The following ADGRV1 variants were observed in gnomAD, a reference collection of about 807,000 sequenced individuals.
ADGRV1 encodes adhesion G protein-coupled receptor V1, also known as G-protein coupled receptor 98.
ADGRV1 carries 359 observed loss-of-function variants against 596.2 expected under a neutral mutation model. The ratio of observed to expected loss-of-function variants is 0.60; its 90% CI spans 0.55 to 0.66. The LOEUF (loss-of-function observed/expected upper bound fraction) is 0.66, where lower values mean the gene tolerates loss of function less well. ADGRV1 is among the 30% of genes least tolerant of loss of function. ADGRV1 has a pLI of 0.00. For synonymous variants in ADGRV1, 2,681 were observed against 2,679.2 expected, an observed-to-expected ratio of 1.00 and a Z score of -0.02; for missense variants, 7,274 against 7,575.6, an observed-to-expected ratio of 0.96 and a Z score of 1.48.
intron 83 of ADGRV1, among the ~76,000 whole-genome samples, chr5:90,881,885 T>G (rs1248828507): frequency 6.6e-6 from 1 of 152,062 alleles, no homozygotes; most frequent in Admixed American, 6.6e-5. Flanking sequence ...ACTTTTTTCT[T>G]TTTTTGTGGA....
chr5:90,982,242 A>G (rs373627430), intron 84 of ADGRV1, among the ~76,000 whole-genome samples: 102 of 152,380 alleles, frequency 6.7e-4, no homozygotes, highest in African/African-American at 2.4e-3. Flanking sequence ...GAAACATGCC[A>G]TAGGAACTTA....
In ADGRV1 at chr5:90,783,899, C is replaced by T. The variant is rs567519802; in HGVS notation, c.13495C>T (p.Arg4499Cys). The T allele has an allele frequency of 2.4e-5, 38 of 1,612,080 alleles. No individual in the cohort carries two copies. Among genetic ancestry groups the T allele is most frequent in the South Asian group, 2.3e-4 (21 of 90,558 alleles). ...AGCTACTGGAGGAGCGGTCCTTGGG[C>T]GCCACCTAGTGAGCAGAATCATAAT... is the stretch of plus-strand genomic sequence containing the variant. ...TGATGGAVLG[R>C]HLVSRIIIAK... Residue 4499 changes from arginine (R) to cysteine (C), a missense_variant, in exon 67 of 90, where the codon CGC becomes TGC. Physicochemically the swap from Arg to Cys is radical, Grantham distance 180. This residue lies in a region of ADGRV1 where 3,643 missense variants were observed against 3,809.2 expected (regional missense o/e 0.96). Coordinates refer to ENST00000405460, the MANE Select transcript of ADGRV1 (RefSeq NM_032119.4).
At chr5:90,824,978 C>T (rs1278929356) in intron 76 of ADGRV1, among the ~76,000 whole-genome samples, 1 of 151,942 alleles carries the variant, frequency 6.6e-6, no homozygotes, top group African/African-American at 2.4e-5. Flanking sequence ...ACTCTGTTGT[C>T]CAGGCTGCAG....
Position 90,854,175 on chromosome 5 carries a change from T to C in ADGRV1, c.17568T>C (p.Cys5856=), listed in dbSNP as rs1207876352. The C allele has an allele frequency of 2.6e-6, 4 of 1,552,532 alleles. No homozygotes were observed. In the East Asian group the frequency reaches 7.2e-5, roughly 28 times the overall value. The change falls in exon 81 of 90, where the codon TGT becomes TGC. Residue 5856 remains cysteine, a synonymous_variant. Transcript: ENST00000405460. ...GAATTATTCCTCAGACATCTCTGTGTCTCCTTTGGAATCAGGCTGCTGCAA... is the reference window on the plus strand; with the variant it reads ...GAATTATTCCTCAGACATCTCTGTGCCTCCTTTGGAATCAGGCTGCTGCAA... ...EPRIIPQTSL[C]LLWNQAAASW...
intron 34 of ADGRV1, among the ~76,000 whole-genome samples, chr5:90,701,587 T>C (rs965344633): frequency 1.3e-5 from 2 of 152,056 alleles, no homozygotes; most frequent in Admixed American, 6.6e-5. Context: ...TGCGTGTGTG[T>C]GCGCATGTGT....
At chr5:90,735,763 C>CT (rs1219117331) in intron 50 of ADGRV1, among the ~76,000 whole-genome samples, 2 of 150,070 alleles carry the variant, frequency 1.3e-5, no homozygotes, top group South Asian at 2.3e-4. Context: ...GTTTTCTTAA[C>CT]TTTTTTGGAT....
rs540864239 is a variant in ADGRV1, at chr5:90,710,269, C to A, written c.8825-712C>A. ...AACAAAAATCAAAACCAAACCAAAA[C>A]ACTAATCAGGAGCAGGATTAGTTAA... On this transcript the variant is annotated intron_variant, in intron 39 of 89. Coordinates refer to ENST00000405460, the MANE Select transcript of ADGRV1 (RefSeq NM_032119.4). 3.3e-5 allele frequency among the ~76,000 whole-genome samples: 5 copies of A among 152,206 alleles called. No homozygotes were observed. The East Asian group carries it at 9.7e-4, about 29-fold the overall frequency.
At position 90,643,789 on chromosome 5, in the gene ADGRV1, C is replaced by A; in HGVS notation, c.2554-14C>A. 6.4e-7 allele frequency: 1 copy of A among 1,560,202 alleles called. No homozygotes were observed. Among genetic ancestry groups the A allele is most frequent in the Non-Finnish European group, 8.7e-7 (1 of 1,151,988 alleles). On this transcript the variant is annotated splice_polypyrimidine_tract_variant and intron_variant, in intron 13 of 89. Transcript: ENST00000405460. The stretch of plus-strand genomic sequence containing the variant: ...CAACTTTATAATTTCCATACTTTGA[C>A]ACATTCACTTTAGTTGGATGAACAC...
At chr5:90,924,183 C>A (rs1289510542) in intron 83 of ADGRV1, among the ~76,000 whole-genome samples, 2 of 151,700 alleles carry the variant, frequency 1.3e-5, no homozygotes, top group Non-Finnish European at 2.9e-5. Context: ...ATTTCTAGTT[C>A]TAGATCCCTG....
intron 11 of ADGRV1, among the ~76,000 whole-genome samples, chr5:90,640,310 T>C (rs1021155074): frequency 6.6e-6 from 1 of 152,210 alleles, no homozygotes. Flanking sequence ...TGCAATGATA[T>C]GGCTTCTTCA....
intron 32 of ADGRV1, among the ~76,000 whole-genome samples, chr5:90,693,595 A>G (rs1207408854): frequency 6.6e-6 from 1 of 152,264 alleles, no homozygotes. Flanking sequence ...AGTTAAGTAA[A>G]GCAATAAAAA....
chr5:90,811,083 C>T lies in ADGRV1; in HGVS notation c.15823C>T (p.Pro5275Ser), dbSNP rs753377210. The part of the protein sequence containing the change: ...RCAQMEPNAL[P>S]FRGIYGISNL... ...TGCTCAGATGGAACCAAATGCATTG[C>T]CCTTTCGTGGTATCTATGGGATTTC... Residue 5275 changes from proline (P) to serine (S), a missense_variant, in exon 74 of 90, where the codon CCC becomes TCC. Physicochemically the swap from Pro to Ser is moderately conservative, Grantham distance 74 (BLOSUM62 -1). Coordinates refer to ENST00000405460, the MANE Select transcript of ADGRV1 (RefSeq NM_032119.4). 1.9e-6 allele frequency: 3 copies of T among 1,613,862 alleles called. No homozygotes were observed. Among genetic ancestry groups the T allele is most frequent in the Non-Finnish European group, 1.7e-6 (2 of 1,179,778 alleles).
chr5:90,765,644 T>C (rs566977666), intron 59 of ADGRV1, among the ~76,000 whole-genome samples: 1 of 152,224 alleles, frequency 6.6e-6, no homozygotes, highest in African/African-American at 2.4e-5. Context: ...AGTCTAATTA[T>C]TCTGCAGCTG....
chr5:90,643,806 G>A lies in ADGRV1; in HGVS notation c.2557G>A (p.Asp853Asn). ...LARLDGIPELDEHYWVVLSSH... is the reference protein window; with the variant it reads ...LARLDGIPELNEHYWVVLSSH... Reference sequence around the variant, plus strand: ...TACTTTGACACATTCACTTTAGTTGGATGAACACTACTGGGTGGTCCTCAG... The same window carrying A: ...TACTTTGACACATTCACTTTAGTTGAATGAACACTACTGGGTGGTCCTCAG... The change falls in exon 14 of 90, where the codon GAT (aspartate) becomes AAT (asparagine). Residue 853 changes from aspartate (D) to asparagine (N), a missense_variant. By Grantham distance (23) the Asp-to-Asn change is conservative (BLOSUM62 1). This residue lies in a region of ADGRV1 where 1,715 missense variants were observed against 1,708.8 expected (regional missense o/e 1.00). Transcript: ENST00000405460. 6.3e-7 allele frequency: 1 copy of A among 1,596,324 alleles called. No homozygotes were observed. Among genetic ancestry groups the A allele is most frequent in the Non-Finnish European group, 8.5e-7 (1 of 1,171,262 alleles).
intron 28 of ADGRV1, 88 bp from the exon 29 acceptor site, chr5:90,685,692 A>G: frequency 1.4e-6 from 1 of 704,886 alleles, no homozygotes; most frequent in Non-Finnish European, 2.3e-6. Context: ...TGGCTGATGG[A>G]ATCTTGCTGA....
At chr5:90,653,159 A>G in intron 19 of ADGRV1, 50 bp from the exon 20 acceptor site, 1 of 1,474,324 alleles carries the variant, frequency 6.8e-7, no homozygotes, top group African/African-American at 1.4e-5. Flanking sequence ...ACATTATACT[A>G]GAAAGTACTT....
chr5:90,591,220 C>T (rs77037765), intron 1 of ADGRV1, among the ~76,000 whole-genome samples: 2,796 of 152,066 alleles, frequency 0.018, 215 homozygotes, highest in Admixed American at 0.12. Flanking sequence ...GGTGAAATCC[C>T]GTCCTTACTA....
chr5:90,801,922 A>T (rs932896063), intron 70 of ADGRV1, among the ~76,000 whole-genome samples: 4 of 152,238 alleles, frequency 2.6e-5, no homozygotes, highest in African/African-American at 9.6e-5. Context: ...TGTAACACAT[A>T]GGATTAATTT....
At chr5:91,013,400 C>G (rs560478995) in intron 85 of ADGRV1, among the ~76,000 whole-genome samples, 364 of 152,190 alleles carry the variant, frequency 2.4e-3, no homozygotes, top group Non-Finnish European at 3.8e-3. Flanking sequence ...TTAATAATAC[C>G]TGTTCTGACT....
Sources: allele counts gnomAD v4.1 joint callset (sites outside exome capture counted in the v4.1 genomes callset), GRCh38; gene constraint gnomAD v4.1.1; regional missense constraint gnomAD v4.1.1; transcripts MANE v1.5; gene names NCBI Gene and HGNC (gene_info 2026-07-23, HGNC 2026-07-21).